The following DNAJC13 variants were observed in gnomAD, a reference collection of about 807,000 sequenced individuals.
The protein encoded by DNAJC13 is DnaJ heat shock protein family (Hsp40) member C13, also known as dnaJ homolog subfamily C member 13.
In DNAJC13, 75 loss-of-function variants were observed where a neutral mutation model predicts 290.5. The ratio of observed to expected loss-of-function variants is 0.26; its 90% CI spans 0.21 to 0.31. The LOEUF is 0.31. Ranked by LOEUF, DNAJC13 falls within the 10% of genes least tolerant of loss-of-function variation. The pLI is 1.00. For missense variants in DNAJC13, 2,260 were observed against 2,674.5 expected (o/e 0.85, Z 3.42); for synonymous variants, 862 against 892.0 (o/e 0.97, Z 0.60).
At position 132,453,295 on chromosome 3, in the gene DNAJC13, C is replaced by T. The variant is rs1352378862; in HGVS notation, c.538-3C>T. 3.1e-6 allele frequency: 5 copies of T among 1,611,220 alleles called. No individual in the cohort carries two copies. The highest frequency in any genetic ancestry group is 1.3e-5 in the African/African-American group (1 of 74,724). On this transcript the variant is annotated splice_polypyrimidine_tract_variant and splice_region_variant and intron_variant, in intron 6 of 55. Transcript: ENST00000260818. ...GACTTTTTAAATTTCTAAATTTGTG[C>T]AGCATTTATTTGCGTCAGAGCAAAG... is the stretch of plus-strand genomic sequence containing the variant.
chr3:132,511,175 C>CAT lies in DNAJC13; in HGVS notation c.5225_5226dup (p.Gly1743MetfsTer8). The CAT allele has an allele frequency of 6.2e-7, 1 of 1,613,904 alleles. No individual in the cohort carries two copies. Among genetic ancestry groups the CAT allele is most frequent in the Non-Finnish European group, 8.5e-7 (1 of 1,179,918 alleles). On this transcript the variant is annotated frameshift_variant, in exon 44 of 56. Coordinates refer to ENST00000260818, the MANE Select transcript of DNAJC13 (RefSeq NM_015268.4). LOFTEE classifies it high-confidence loss of function. Reference sequence around the variant, plus strand: ...CGCGGCAAAAGTGGAGTCAGAGCAACATGGAGATCGCTTACCGAGAGTAGA... The same window carrying CAT: ...CGCGGCAAAAGTGGAGTCAGAGCAACATATGGAGATCGCTTACCGAGAGTAGA...
chr3:132,480,855 T>C (rs1934643698), intron 26 of DNAJC13, among the ~76,000 whole-genome samples: 1 of 152,200 alleles, frequency 6.6e-6, no homozygotes, highest in Admixed American at 6.5e-5. Flanking sequence ...GGACTGATAC[T>C]TAACTTATAG....
At chr3:132,480,660 C>G (rs1053448595) in intron 26 of DNAJC13, among the ~76,000 whole-genome samples, 190 bp downstream of exon 26, 4 of 152,092 alleles carry the variant, frequency 2.6e-5, no homozygotes, top group African/African-American at 9.7e-5. Context: ...TGGACAGTAA[C>G]GATTGAGTTT....
Position 132,454,050 on chromosome 3 carries a change from T to C in DNAJC13, c.841-16T>C, listed in dbSNP as rs1371456335. 3.2e-6 allele frequency: 5 copies of C among 1,561,330 alleles called. No homozygotes were observed. In the African/African-American group the frequency reaches 4.2e-5, roughly 13 times the overall value. Reference sequence around the variant, plus strand: ...AAACTTTTTTTTGTTGAAGCTATTTTTTGTTTTTTCATTAGGTATTTGCGT... The same window carrying C: ...AAACTTTTTTTTGTTGAAGCTATTTCTTGTTTTTTCATTAGGTATTTGCGT... On this transcript the variant is annotated splice_polypyrimidine_tract_variant and intron_variant, in intron 8 of 55. Coordinates refer to ENST00000260818, the MANE Select transcript of DNAJC13 (RefSeq NM_015268.4).
At chr3:132,465,874 G>A (rs900232833) in intron 17 of DNAJC13, 121 bp from the exon 18 acceptor site, 6 of 585,728 alleles carry the variant, frequency 1.0e-5, no homozygotes, top group Admixed American at 9.3e-5. Flanking sequence ...TTTTAACATC[G>A]GAATGATTTT....
intron 53 of DNAJC13, 87 bp downstream of exon 53, chr3:132,526,368 T>C: frequency 1.3e-6 from 2 of 1,540,112 alleles, no homozygotes; most frequent in Middle Eastern, 1.8e-4. Flanking sequence ...TTTGGTTTCC[T>C]TGACTTAAGG....
chr3:132,421,419 C>T (rs754439938), intron 1 of DNAJC13, among the ~76,000 whole-genome samples: 23 of 152,062 alleles, frequency 1.5e-4, no homozygotes, highest in Non-Finnish European at 2.8e-4. Context: ...ACACAAAGGA[C>T]GTGTCAGAGG....
chr3:132,448,000 A>G, intron 5 of DNAJC13, 61 bp downstream of exon 5: 1 of 1,187,650 alleles, frequency 8.4e-7, no homozygotes, highest in South Asian at 1.3e-5. Context: ...TTATTGTAGA[A>G]ATCATTTCAT....
chr3:132,419,033 T>C (rs1938879993), intron 1 of DNAJC13, among the ~76,000 whole-genome samples: 2 of 152,242 alleles, frequency 1.3e-5, no homozygotes, highest in South Asian at 4.1e-4. Context: ...TTGTTCACAT[T>C]TTGTGTAATG....
At chr3:132,446,851 T>C (rs1453681569) in intron 3 of DNAJC13, among the ~76,000 whole-genome samples, 1 of 152,122 alleles carries the variant, frequency 6.6e-6, no homozygotes, top group Non-Finnish European at 1.5e-5. Context: ...TATAAAGGCT[T>C]ATACTTTTTA....
At position 132,507,226 on chromosome 3, in the gene DNAJC13, C is replaced by G. The variant is rs1559904329; in HGVS notation, c.4999-11C>G. 1.3e-6 allele frequency: 2 copies of G among 1,540,422 alleles called. No homozygotes were observed. Among genetic ancestry groups the G allele is most frequent in the Non-Finnish European group, 1.8e-6 (2 of 1,117,146 alleles). ...TACATCTAACAGTCTATTTTTTCAT[C>G]TTTTAAAAAGGGTGATTGTGACAAA... On this transcript the variant is annotated splice_polypyrimidine_tract_variant and intron_variant, in intron 42 of 55. Coordinates refer to ENST00000260818, the MANE Select transcript of DNAJC13 (RefSeq NM_015268.4).
rs1237262416 is a variant in DNAJC13 at position 132,457,375 on chromosome 3, A to C, written c.1449+7A>C. 3 of 1,606,846 alleles carry C rather than the reference A, an allele frequency of 1.9e-6. No individual in the cohort carries two copies. The highest frequency in any genetic ancestry group is 2.5e-6 in the Non-Finnish European group (3 of 1,176,884). ...GCTTTGTGCCCTTATGTGTGTAAGT[A>C]GTAGTTTTCTTAAGGAAACTGGTTT... On this transcript the variant is annotated splice_region_variant and intron_variant, in intron 13 of 55. Transcript: ENST00000260818.
At chr3:132,480,824 CCTT>C (rs1172504558) in intron 26 of DNAJC13, among the ~76,000 whole-genome samples, 2 of 152,128 alleles carry the variant, frequency 1.3e-5, no homozygotes, top group Admixed American at 6.5e-5. Context: ...AGTCTGGACA[CCTT>C]CTTGATACCA....
chr3:132,497,898 GC>G (rs1435179424), intron 36 of DNAJC13, among the ~76,000 whole-genome samples: 1 of 151,834 alleles, frequency 6.6e-6, no homozygotes, highest in Non-Finnish European at 1.5e-5. Context: ...GTTCCAGGGG[GC>G]CTTTTTTTTA....
chr3:132,437,621 A>G (rs1209064037), intron 2 of DNAJC13, among the ~76,000 whole-genome samples: 3 of 152,178 alleles, frequency 2.0e-5, no homozygotes, highest in Admixed American at 6.5e-5. Context: ...TCAGTTTACC[A>G]TGACTGTTTA....
intron 40 of DNAJC13, 107 bp downstream of exon 40, chr3:132,502,575 T>A (rs1935453678): frequency 9.3e-7 from 1 of 1,080,744 alleles, no homozygotes; most frequent in Admixed American, 3.2e-5. Context: ...ATAAATTGTT[T>A]TTCAGGAAAA....
intron 9 of DNAJC13, among the ~76,000 whole-genome samples, chr3:132,455,748 T>C (rs1478539456): frequency 2.0e-5 from 3 of 152,254 alleles, no homozygotes; most frequent in Admixed American, 2.0e-4. Flanking sequence ...CTACATATTC[T>C]ATAATTCTGT....
At chr3:132,422,057 A>T in intron 1 of DNAJC13, among the ~76,000 whole-genome samples, 1 of 147,910 alleles carries the variant, frequency 6.8e-6, no homozygotes, top group Non-Finnish European at 1.5e-5. Context: ...CTTTTTTCAG[A>T]CCTCACTCTG....
At chr3:132,469,581 G>T (rs1934113605) in intron 20 of DNAJC13, among the ~76,000 whole-genome samples, 1 of 152,146 alleles carries the variant, frequency 6.6e-6, no homozygotes, top group African/African-American at 2.4e-5. Flanking sequence ...CTTTTGTCCT[G>T]GCGGGGAGGA....
Sources: gnomAD v4.1 joint callset for allele counts (sites outside exome capture counted in the v4.1 genomes callset) on GRCh38, gnomAD v4.1.1 for gene constraint, MANE v1.5 for transcripts, NCBI Gene and HGNC (gene_info 2026-07-23, HGNC 2026-07-21) for gene names.